The following IL1RAPL1 variants were observed in gnomAD, a reference collection of about 807,000 sequenced individuals.
The protein encoded by IL1RAPL1 is interleukin-1 receptor accessory protein-like 1.
Under a neutral mutation model 48.4 loss-of-function variants are expected in IL1RAPL1, and 3 were observed. The ratio of observed to expected loss-of-function variants is 0.06; its 90% CI spans 0.03 to 0.16. The LOEUF is 0.16. Ranked by LOEUF, IL1RAPL1 falls within the 10% of genes least tolerant of loss-of-function variation. The pLI is 1.00. For synonymous variants in IL1RAPL1, 185 were observed against 187.7 expected (o/e 0.99, Z 0.12); for missense variants, 349 against 530.6 (o/e 0.66, Z 3.36).
intron 9 of IL1RAPL1, among the ~76,000 whole-genome samples, chrX:29,945,355 G>A (rs996462067): frequency 9.0e-6 from 1 of 111,650 alleles, no homozygotes; most frequent in Non-Finnish European, 1.9e-5. Context: ...AAAACCCAAG[G>A]CTTTGTAAAT....
intron 2 of IL1RAPL1, among the ~76,000 whole-genome samples, chrX:29,057,169 G>T (rs1010084522): frequency 1.2e-4 from 13 of 111,697 alleles, no homozygotes; most frequent in Non-Finnish European, 2.1e-4. Context: ...AGTATCCAAT[G>T]ATTAAAATAA....
chrX:29,639,450 A>G (rs1034991445), intron 5 of IL1RAPL1, among the ~76,000 whole-genome samples: 1 of 111,194 alleles, frequency 9.0e-6, no homozygotes, highest in African/African-American at 3.3e-5. Flanking sequence ...GCACTTTGAA[A>G]CAGTTGGTTT....
intron 9 of IL1RAPL1, among the ~76,000 whole-genome samples, chrX:29,947,932 C>T (rs1490403277): frequency 9.0e-6 from 1 of 110,583 alleles, no homozygotes; most frequent in Non-Finnish European, 1.9e-5. Context: ...ACCGAGGCTT[C>T]TTATCCCAAA....
At chrX:28,723,874 G>T (rs1254120936) in intron 1 of IL1RAPL1, among the ~76,000 whole-genome samples, 2 of 111,938 alleles carry the variant, frequency 1.8e-5, no homozygotes, top group African/African-American at 6.5e-5. Flanking sequence ...TCAGAAGCAG[G>T]TTGTTCAGTT....
At chrX:28,990,891 A>G (rs1601999508) in intron 2 of IL1RAPL1, among the ~76,000 whole-genome samples, 3 of 112,052 alleles carry the variant, frequency 2.7e-5, no homozygotes, top group African/African-American at 6.5e-5. Flanking sequence ...CTCAATGCCA[A>G]TGAGATATGA....
chrX:29,454,201 G>T (rs1309851440), intron 5 of IL1RAPL1, among the ~76,000 whole-genome samples: 1 of 112,492 alleles, frequency 8.9e-6, no homozygotes, highest in Non-Finnish European at 1.9e-5. Flanking sequence ...TAAGAAAAGT[G>T]TGGTTAGATA....
chrX:29,221,282 T>C (rs1328674074), intron 2 of IL1RAPL1, among the ~76,000 whole-genome samples: 1 of 111,997 alleles, frequency 8.9e-6, no homozygotes, highest in Admixed American at 9.5e-5. Flanking sequence ...CATGCAATGA[T>C]GTAGTTAACA....
At chrX:28,666,035 G>A (rs997488514) in intron 1 of IL1RAPL1, among the ~76,000 whole-genome samples, 2 of 111,801 alleles carry the variant, frequency 1.8e-5, no homozygotes, top group African/African-American at 3.3e-5. Flanking sequence ...CACTCAGACC[G>A]ACACTCTCCA....
chrX:29,741,094 G>A (rs910658559), intron 6 of IL1RAPL1, among the ~76,000 whole-genome samples: 1 of 112,323 alleles, frequency 8.9e-6, no homozygotes, highest in South Asian at 3.7e-4. Flanking sequence ...TCTTATATCT[G>A]TGTTACATTG....
rs779957507 is a variant in IL1RAPL1, at chrX:28,827,615, G to A, written c.82+38190G>A. Among the ~76,000 whole-genome samples the A allele has an allele frequency of 1.8e-3, 200 of 111,480 alleles. 1 individual carries two copies. Among genetic ancestry groups the A allele is most frequent in the African/African-American group, 5.9e-3 (183 of 30,820 alleles). On this transcript the variant is annotated intron_variant, in intron 2 of 10. Coordinates refer to ENST00000378993, the MANE Select transcript of IL1RAPL1 (RefSeq NM_014271.4). ...CTGTGAAGAGGATCTATATTACGTG[G>A]TAGTTATTTGTACATTTAATTAATT...
chrX:28,717,823 C>G (rs1398590694), intron 1 of IL1RAPL1, among the ~76,000 whole-genome samples: 1 of 110,473 alleles, frequency 9.1e-6, no homozygotes, highest in Non-Finnish European at 1.9e-5. Flanking sequence ...TGGTAATATT[C>G]TGGAATCACT....
intron 2 of IL1RAPL1, among the ~76,000 whole-genome samples, chrX:28,826,365 A>G: frequency 9.0e-6 from 1 of 111,705 alleles, no homozygotes; most frequent in Admixed American, 9.5e-5. Context: ...AAACTCCTAG[A>G]GGCAGTTTCC....
At chrX:28,949,069 C>A (rs1924381394) in intron 2 of IL1RAPL1, among the ~76,000 whole-genome samples, 1 of 110,282 alleles carries the variant, frequency 9.1e-6, no homozygotes, top group Non-Finnish European at 1.9e-5. Flanking sequence ...TAGTCTCTAA[C>A]AATAGTGTTT....
intron 6 of IL1RAPL1, among the ~76,000 whole-genome samples, chrX:29,841,337 G>A (rs1931131726): frequency 8.9e-6 from 1 of 111,784 alleles, no homozygotes; most frequent in Non-Finnish European, 1.9e-5. Flanking sequence ...ATACAGCCAA[G>A]ATATGATCCA....
chrX:28,736,456 A>G (rs1935827387), intron 1 of IL1RAPL1, among the ~76,000 whole-genome samples: 1 of 110,514 alleles, frequency 9.0e-6, no homozygotes. Flanking sequence ...ATGATGGCTC[A>G]TAGATGATAT....
At chrX:28,853,482 T>C (rs2361550) in intron 2 of IL1RAPL1, among the ~76,000 whole-genome samples, 636 of 63,056 alleles carry the variant, frequency 0.01, 8 homozygotes, top group African/African-American at 0.048. Context: ...TCAGTGCATG[T>C]GTGTGCGCGC....
At chrX:29,679,807 C>A (rs1161058632) in intron 6 of IL1RAPL1, among the ~76,000 whole-genome samples, 1 of 111,402 alleles carries the variant, frequency 9.0e-6, no homozygotes, top group Non-Finnish European at 1.9e-5. Context: ...GAGATTTCAG[C>A]CTCAGGAGAA....
intron 6 of IL1RAPL1, among the ~76,000 whole-genome samples, chrX:29,716,715 T>C (rs751763520): frequency 1.8e-3 from 198 of 111,695 alleles, no homozygotes; most frequent in Middle Eastern, 0.014. Context: ...GTTGCCCAAG[T>C]CACGGCCTAA....
intron 2 of IL1RAPL1, among the ~76,000 whole-genome samples, chrX:29,277,738 G>A (rs1248664541): frequency 8.9e-6 from 1 of 112,035 alleles, no homozygotes; most frequent in African/African-American, 3.2e-5. Flanking sequence ...AAGTGTTTTG[G>A]ATATCAGATC....
Sources: allele counts gnomAD v4.1 joint callset (sites outside exome capture counted in the v4.1 genomes callset), GRCh38; gene constraint gnomAD v4.1.1; transcripts MANE v1.5; gene names NCBI Gene and HGNC (gene_info 2026-07-23, HGNC 2026-07-21).